The following CDH12 variants were observed in gnomAD, a reference collection of about 807,000 sequenced individuals.
The protein encoded by CDH12 is cadherin 12.
Under a neutral mutation model 74.1 loss-of-function variants are expected in CDH12, and 41 were observed. The ratio of observed to expected loss-of-function variants is 0.55; its 90% CI spans 0.43 to 0.72. The LOEUF is 0.72. Among genes scored for constraint, CDH12 ranks in the 30% least tolerant of loss-of-function variants. The pLI is 0.00. For missense variants in CDH12, 945 were observed against 977.2 expected, an observed-to-expected ratio of 0.97 and a Z score of 0.44; for synonymous variants, 399 against 355.0, an observed-to-expected ratio of 1.12 and a Z score of -1.39.
intron 1 of CDH12, among the ~76,000 whole-genome samples, chr5:22,624,051 C>A (rs1440432935): frequency 5.3e-5 from 8 of 151,898 alleles, no homozygotes; most frequent in Admixed American, 1.3e-4. Context: ...CCTGACAAAA[C>A]CAAGAAATGG....
intron 3 of CDH12, among the ~76,000 whole-genome samples, chr5:22,241,543 AAT>A (rs1242481040): frequency 4.6e-5 from 7 of 151,992 alleles, no homozygotes; most frequent in Non-Finnish European, 1.0e-4. Context: ...AAAAAGAAAA[AAT>A]AGTGTTTTTG....
intron 2 of CDH12, among the ~76,000 whole-genome samples, chr5:22,411,911 C>G (rs1743185830): frequency 6.6e-6 from 1 of 151,928 alleles, no homozygotes; most frequent in Admixed American, 6.6e-5. Flanking sequence ...AGATTTAATT[C>G]TGTTTTCTCA....
intron 1 of CDH12, among the ~76,000 whole-genome samples, chr5:22,825,178 T>A (rs544396551): frequency 6.6e-6 from 1 of 152,194 alleles, no homozygotes; most frequent in East Asian, 1.9e-4. Flanking sequence ...ACTGATAATA[T>A]AGCAAGAAAC....
chr5:22,673,289 T>A (rs1047134476), intron 1 of CDH12, among the ~76,000 whole-genome samples: 2 of 152,166 alleles, frequency 1.3e-5, no homozygotes, highest in African/African-American at 4.8e-5. Flanking sequence ...ATTACAATTT[T>A]AAGTAGAGTA....
intron 6 of CDH12, among the ~76,000 whole-genome samples, chr5:21,867,170 C>T (rs1751372948): frequency 6.6e-6 from 1 of 152,094 alleles, no homozygotes; most frequent in Admixed American, 6.5e-5. Flanking sequence ...GTCTGGCCAA[C>T]ATGGTGAACC....
chr5:22,302,033 T>A lies in CDH12; in HGVS notation c.-332-89390A>T, dbSNP rs1041354736. Among the ~76,000 whole-genome samples, 36 of 130,188 alleles carry A rather than the reference T, an allele frequency of 2.8e-4. No individual in the cohort carries two copies. In the East Asian group the frequency reaches 4.9e-3, roughly 18 times the overall value. 85.4% of individuals were successfully genotyped at this position (130,188 alleles called of 152,430 possible). A position where few individuals can be genotyped will look rare whatever the true frequency, so the allele number is the denominator to read the frequency against. ...TGGAGAGAGAGAGAGAGAGAGAGAG[T>A]GAGTGAGAGAGAGTCTCAAAAATTA... On this transcript the variant is annotated intron_variant, in intron 3 of 14. Transcript: ENST00000382254.
intron 8 of CDH12, among the ~76,000 whole-genome samples, chr5:21,839,798 C>T (rs1031226935): frequency 1.3e-5 from 2 of 152,062 alleles, no homozygotes; most frequent in African/African-American, 4.8e-5. Context: ...AATTAAGATC[C>T]TTATACAACC....
At chr5:22,287,742 T>G (rs1180503629) in intron 3 of CDH12, among the ~76,000 whole-genome samples, 2 of 138,768 alleles carry the variant, frequency 1.4e-5, no homozygotes, top group Non-Finnish European at 3.1e-5. Context: ...AAAAAAAAAA[T>G]GTATAACAAT....
chr5:22,292,094 A>G (rs1481948622), intron 3 of CDH12, among the ~76,000 whole-genome samples: 2 of 152,174 alleles, frequency 1.3e-5, no homozygotes, highest in African/African-American at 4.8e-5. Context: ...AGCCAATAAT[A>G]CACTATGGGG....
At chr5:22,661,548 A>C (rs2126898538) in intron 1 of CDH12, among the ~76,000 whole-genome samples, 1 of 152,168 alleles carries the variant, frequency 6.6e-6, no homozygotes, top group South Asian at 2.1e-4. Flanking sequence ...TTAACCTTAA[A>C]ATTTATTTCA....
chr5:22,108,414 T>C (rs1425409863), intron 4 of CDH12, among the ~76,000 whole-genome samples: 1 of 152,142 alleles, frequency 6.6e-6, no homozygotes, highest in African/African-American at 2.4e-5. Context: ...CAATGCATAA[T>C]CAAAAAGATA....
intron 1 of CDH12, among the ~76,000 whole-genome samples, chr5:22,830,841 A>G (rs571610192): frequency 6.6e-6 from 1 of 151,782 alleles, no homozygotes; most frequent in East Asian, 1.9e-4. Context: ...TGTGCACTAT[A>G]ATTTTCTGAA....
chr5:22,030,487 T>G (rs1484266005), intron 5 of CDH12, among the ~76,000 whole-genome samples: 1 of 152,174 alleles, frequency 6.6e-6, no homozygotes, highest in Non-Finnish European at 1.5e-5. Flanking sequence ...CAGTAGCTCA[T>G]AACGGTGGGC....
At chr5:21,910,598 G>A (rs1753819910) in intron 6 of CDH12, among the ~76,000 whole-genome samples, 1 of 152,034 alleles carries the variant, frequency 6.6e-6, no homozygotes, top group Non-Finnish European at 1.5e-5. Flanking sequence ...CTGAGGAGCT[G>A]ATGCTACTGT....
chr5:22,325,818 G>C, intron 3 of CDH12, among the ~76,000 whole-genome samples: 1 of 152,108 alleles, frequency 6.6e-6, no homozygotes, highest in Non-Finnish European at 1.5e-5. Flanking sequence ...TGAGGCGGGA[G>C]AATGGTGTGA....
chr5:22,485,915 C>T (rs747095504), intron 2 of CDH12, among the ~76,000 whole-genome samples: 2 of 152,178 alleles, frequency 1.3e-5, no homozygotes, highest in Admixed American at 6.5e-5. Context: ...AAAGAATACA[C>T]AGCCCAAGAG....
chr5:22,844,996 A>G (rs1168716941), intron 1 of CDH12, among the ~76,000 whole-genome samples: 1 of 152,150 alleles, frequency 6.6e-6, no homozygotes, highest in Admixed American at 6.6e-5. Context: ...AATTAAGGCA[A>G]ACTTGAAAGG....
At position 21,751,904 on chromosome 5, in the gene CDH12, C is replaced by A. The variant is rs1305341485; in HGVS notation, c.2218G>T (p.Ala740Ser). 27 of 1,613,924 alleles carry A rather than the reference C, an allele frequency of 1.7e-5. No individual in the cohort carries two copies. The highest frequency in any genetic ancestry group is 2.2e-5 in the Non-Finnish European group (26 of 1,180,016). Residue 740 changes from alanine to serine, a missense_variant, in exon 15 of 15, where the codon GCC becomes TCC. Physicochemically the swap from Ala to Ser is moderately conservative, Grantham distance 99. Around this residue, in one of 3 missense-constraint regions of CDH12, gnomAD observed 791 missense variants for 792.8 expected, o/e 1.00. Coordinates refer to ENST00000382254, the MANE Select transcript of CDH12 (RefSeq NM_004061.5). ...GCCACGGACCCACTCCCTTCGTAGG[C>A]ATATGTGGCCAGTGAATCGTATGGT... ...APPYDSLATY[A>S]YEGSGSVAES...
intron 5 of CDH12, among the ~76,000 whole-genome samples, chr5:22,018,760 TAGTG>T: frequency 6.6e-6 from 1 of 152,266 alleles, no homozygotes; most frequent in East Asian, 1.9e-4. Context: ...GTCCTATTGG[TAGTG>T]AACAGGTGTT....
Sources: allele counts gnomAD v4.1 joint callset (sites outside exome capture counted in the v4.1 genomes callset), GRCh38; gene constraint gnomAD v4.1.1; regional missense constraint gnomAD v4.1.1; transcripts MANE v1.5; gene names NCBI Gene and HGNC (gene_info 2026-07-23, HGNC 2026-07-21).